ZDHHC7: variants seen among roughly 807,000 people sequenced by gnomAD.
ZDHHC7 encodes the protein zDHHC palmitoyltransferase 7.
Under a neutral mutation model 34.1 loss-of-function variants are expected in ZDHHC7, and 12 were observed. That is an observed-to-expected ratio of 0.35 (90% CI 0.23 to 0.57). The LOEUF is 0.57. ZDHHC7 is among the 20% of genes least tolerant of loss of function. The pLI, the probability that ZDHHC7 is intolerant of heterozygous loss-of-function variation, is 0.84. For synonymous variants in ZDHHC7, 185 were observed against 155.4 expected (o/e 1.19, Z -1.42); for missense variants, 388 against 402.7 (o/e 0.96, Z 0.31).
chr16:84,983,408 T>C (rs1443233428), intron 3 of ZDHHC7, among the ~76,000 whole-genome samples: 2 of 152,080 alleles, frequency 1.3e-5, no homozygotes, highest in African/African-American at 4.8e-5. Flanking sequence ...TTTTAGAAAG[T>C]TCAGCAGGTG....
intron 5 of ZDHHC7, among the ~76,000 whole-genome samples, chr16:84,978,678 T>C (rs892608005): frequency 6.6e-6 from 1 of 151,950 alleles, no homozygotes; most frequent in African/African-American, 2.4e-5. Context: ...GCCCAACCAA[T>C]ATGGAGAAAC....
the ZDHHC7 span, among the ~76,000 whole-genome samples, chr16:85,025,241 G>A: frequency 6.8e-3 from 1,036 of 151,814 alleles, 17 homozygotes; most frequent in African/African-American, 0.024. Context: ...ACTGCACTCC[G>A]GCCTGGGTGA....
chr16:85,014,468 G>C (rs143177980), upstream of ZDHHC7, among the ~76,000 whole-genome samples: 2 of 152,308 alleles, frequency 1.3e-5, no homozygotes, highest in African/African-American at 4.8e-5. Flanking sequence ...GTGGCATCTG[G>C]TGTTGAGTTA....
rs768818679 is a variant in ZDHHC7 at position 84,990,539 on chromosome 16, G to T, written c.80C>A (p.Ser27Ter). ...LAENDNYDSS[S>*]SSSSEADVAD... ...CACGTCAGCCTCGGAGGAGGAGGAC[G>T]ATGAAGAGTCATAGTTGTCATTTTC... The change falls in exon 3 of 8, where the codon TCG (serine) becomes TAG (stop). Residue 27 changes from serine to a stop codon, truncating the protein, a stop_gained. Transcript: ENST00000313732. LOFTEE classifies it high-confidence loss of function. 6.2e-7 allele frequency: 1 copy of T among 1,614,020 alleles called. No individual in the cohort carries two copies. The highest frequency in any genetic ancestry group is 8.5e-7 in the Non-Finnish European group (1 of 1,180,040).
intron 2 of ZDHHC7, among the ~76,000 whole-genome samples, chr16:84,994,400 G>A (rs1200424216): frequency 1.3e-5 from 2 of 152,206 alleles, no homozygotes; most frequent in African/African-American, 2.4e-5. Context: ...GCTTTATGGT[G>A]ACTTCTCTAA....
chr16:84,991,001 G>C (rs537867252), intron 2 of ZDHHC7, among the ~76,000 whole-genome samples: 1 of 152,168 alleles, frequency 6.6e-6, no homozygotes, highest in Non-Finnish European at 1.5e-5. Flanking sequence ...GCTCCCCTGA[G>C]CCCCACCTGT....
At position 85,011,409 on chromosome 16, in the gene ZDHHC7, G is replaced by C. The variant is rs2072790200; in HGVS notation, c.-227C>G. 1 of 152,656 alleles carries C rather than the reference G, an allele frequency of 6.6e-6. No homozygotes were observed. Among genetic ancestry groups the C allele is most frequent in the Non-Finnish European group, 1.5e-5 (1 of 67,944 alleles). 9.5% of individuals were successfully genotyped at this position (152,656 alleles called of 1,614,324 possible). A position where few individuals can be genotyped will look rare whatever the true frequency, so the allele number is the denominator to read the frequency against. ...CCGCGCTCATGGCCGGGCTGGAGCG[G>C]GCCCCGCGGCTCGGCTCGGCTTGGT... On this transcript the variant is annotated 5_prime_UTR_variant, in exon 1 of 8. Coordinates refer to ENST00000313732, the MANE Select transcript of ZDHHC7 (RefSeq NM_017740.3).
At chr16:85,009,238 T>G (rs1455500172) in intron 1 of ZDHHC7, among the ~76,000 whole-genome samples, 3 of 151,998 alleles carry the variant, frequency 2.0e-5, no homozygotes, top group Non-Finnish European at 4.4e-5. Flanking sequence ...TTGTATTATT[T>G]ATATCAACAA....
intron 1 of ZDHHC7, among the ~76,000 whole-genome samples, chr16:84,997,436 TTA>T (rs2072594364): frequency 6.6e-6 from 1 of 150,740 alleles, no homozygotes; most frequent in Non-Finnish European, 1.5e-5. Context: ...ACCCAGCTAA[TTA>T]TCTTTTGTAT....
intron 4 of ZDHHC7, among the ~76,000 whole-genome samples, chr16:84,981,394 C>T (rs923168961): frequency 5.3e-5 from 8 of 152,202 alleles, no homozygotes; most frequent in African/African-American, 1.7e-4. Flanking sequence ...CTTGCTTCTA[C>T]GCTGCACCAC....
chr16:84,988,905 A>C, intron 3 of ZDHHC7: 1 of 1,547,466 alleles, frequency 6.5e-7, no homozygotes, highest in Non-Finnish European at 8.7e-7. Context: ...AAAATCGCTG[A>C]GCTGGACCTG....
At position 84,990,525 on chromosome 16, in the gene ZDHHC7, C is replaced by CGGA. The variant is rs762809085; in HGVS notation, c.91_93dup (p.Ser31dup). On this transcript the variant is annotated inframe_insertion, in exon 3 of 8. Transcript: ENST00000313732. Reference sequence around the variant, plus strand: ...CAGACCCGGTCAGCCACGTCAGCCTCGGAGGAGGAGGACGATGAAGAGTCA... The same window carrying CGGA: ...CAGACCCGGTCAGCCACGTCAGCCTCGGAGGAGGAGGAGGACGATGAAGAGTCA... 2.3e-5 allele frequency: 37 copies of CGGA among 1,614,038 alleles called. No homozygotes were observed. Among genetic ancestry groups the CGGA allele is most frequent in the Non-Finnish European group, 3.1e-5 (36 of 1,180,038 alleles).
intron 1 of ZDHHC7, among the ~76,000 whole-genome samples, chr16:85,008,511 CA>C (rs58127581): frequency 0.16 from 24,791 of 150,788 alleles, 2,803 homozygotes; most frequent in East Asian, 0.32. Context: ...CACCCCCCCC[CA>C]AAAAAAAGCC....
At chr16:85,004,766 G>C (rs60203572) in intron 1 of ZDHHC7, among the ~76,000 whole-genome samples, 25,169 of 151,646 alleles carry the variant, frequency 0.17, 2,180 homozygotes, top group Middle Eastern at 0.21. Flanking sequence ...AAGTAGAAAG[G>C]AAGTCCACAG....
At chr16:84,983,025 A>G (rs1304223235) in intron 3 of ZDHHC7, among the ~76,000 whole-genome samples, 3 of 152,314 alleles carry the variant, frequency 2.0e-5, no homozygotes, top group East Asian at 3.9e-4. Context: ...TGTGGGAGAC[A>G]ATTCTGGGAG....
At chr16:84,980,573 G>A (rs1387013294) in intron 4 of ZDHHC7, among the ~76,000 whole-genome samples, 2 of 152,042 alleles carry the variant, frequency 1.3e-5, no homozygotes, top group Non-Finnish European at 2.9e-5. Context: ...GGGAGGCTGA[G>A]GCACAAGAAT....
the ZDHHC7 span, among the ~76,000 whole-genome samples, chr16:85,021,042 C>CTGCA: frequency 6.6e-6 from 1 of 151,632 alleles, no homozygotes; most frequent in African/African-American, 2.4e-5. Flanking sequence ...GAGGTCAAGG[C>CTGCA]TGCAGTAAGC....
chr16:84,981,046 A>G (rs1239604186), intron 4 of ZDHHC7, among the ~76,000 whole-genome samples: 2 of 152,228 alleles, frequency 1.3e-5, no homozygotes, highest in African/African-American at 4.8e-5. Flanking sequence ...GGAGAAGGGC[A>G]CTGTCCAGGT....
the ZDHHC7 span, among the ~76,000 whole-genome samples, chr16:85,018,018 G>T: frequency 6.6e-6 from 1 of 152,084 alleles, no homozygotes; most frequent in African/African-American, 2.4e-5. Context: ...ACACGGGTGG[G>T]TGTGTGTTTA....
Sources: allele counts gnomAD v4.1 joint callset (sites outside exome capture counted in the v4.1 genomes callset), GRCh38; gene constraint gnomAD v4.1.1; transcripts MANE v1.5; gene names NCBI Gene and HGNC (gene_info 2026-07-23, HGNC 2026-07-21).